Variants in SETX observed in about 807,000 individuals in gnomAD.
SETX encodes helicase senataxin.
SETX carries 90 observed loss-of-function variants against 227.2 expected under a neutral mutation model. That is an observed-to-expected ratio of 0.40 (90% CI 0.33 to 0.47). SETX has a LOEUF of 0.47. SETX is among the 20% of genes least tolerant of loss of function. The pLI is 0.91. For missense variants in SETX, 3,052 were observed against 3,181.5 expected, an observed-to-expected ratio of 0.96 and a Z score of 0.98; for synonymous variants, 1,210 against 1,113.2, an observed-to-expected ratio of 1.09 and a Z score of -1.73.
intron 5 of SETX, among the ~76,000 whole-genome samples, chr9:132,341,592 A>G (rs951499652): frequency 1.3e-5 from 2 of 152,240 alleles, no homozygotes; most frequent in Non-Finnish European, 2.9e-5. Context: ...TCAGTCACCA[A>G]GGCTGCAAGT....
In SETX at chr9:132,270,243, A is replaced by G. The variant is rs78127196; in HGVS notation, c.7200-541T>C. ...GACTCTACAATGACTCAGTATGCCC[A>G]TGTGAGACACAGGTGGACTCTAGAA... On this transcript the variant is annotated intron_variant, in intron 24 of 25. Transcript: ENST00000224140. Among the ~76,000 whole-genome samples, 183 of 141,166 alleles carry G rather than the reference A, an allele frequency of 1.3e-3. 1 individual carries two copies. The highest frequency in any genetic ancestry group is 2.1e-3 in the Non-Finnish European group (141 of 65,824). 92.6% of individuals were successfully genotyped at this position (141,166 alleles called of 152,430 possible). A position where few individuals can be genotyped will look rare whatever the true frequency, so the allele number is the denominator to read the frequency against.
chr9:132,291,673 T>C (rs979470279), intron 15 of SETX, among the ~76,000 whole-genome samples: 32 of 152,138 alleles, frequency 2.1e-4, no homozygotes, highest in African/African-American at 7.2e-4. Context: ...GCCCCTGAGC[T>C]GTTGTGGCAC....
rs142917412 is a variant in SETX, at chr9:132,295,980, G to C, written c.5998C>G (p.Gln2000Glu). The change falls in exon 15 of 26, where the codon CAA (glutamine) becomes GAA (glutamate). Residue 2000 changes from glutamine to glutamate, a missense_variant. Gln to Glu is a conservative substitution (Grantham distance 29, BLOSUM62 2). This residue lies in a region of SETX where 412 missense variants were observed against 589.0 expected (regional missense o/e 0.70). Transcript: ENST00000224140. ...SDENSNAKIK[Q>E]NRVLVCAPSN... The stretch of plus-strand genomic sequence containing the variant: ...GGTGCACACACGAGGACACGGTTTT[G>C]TTTGATTTTGGCATTGGAGTTTTCG... The C allele has an allele frequency of 4.4e-4, 703 of 1,614,170 alleles. No individual in the cohort carries two copies. Among genetic ancestry groups the C allele is most frequent in the Non-Finnish European group, 5.5e-4 (644 of 1,180,026 alleles).
intron 10 of SETX, among the ~76,000 whole-genome samples, chr9:132,313,677 C>T (rs527915886): frequency 3.8e-4 from 58 of 152,180 alleles, no homozygotes; most frequent in African/African-American, 1.3e-3. Context: ...TAGTTTCACA[C>T]TAAATGAAAT....
At chr9:132,269,903 C>T (rs113050051) in intron 24 of SETX, among the ~76,000 whole-genome samples, 4 of 133,880 alleles carry the variant, frequency 3.0e-5, no homozygotes, top group Non-Finnish European at 4.6e-5. Context: ...TCTAGAATGA[C>T]TCAGCATCCT....
chr9:132,307,654 A>G (rs922030912), intron 11 of SETX, among the ~76,000 whole-genome samples: 2 of 151,772 alleles, frequency 1.3e-5, no homozygotes, highest in Non-Finnish European at 2.9e-5. Context: ...TAAGCTTACC[A>G]GTCACCACTG....
At chr9:132,295,058 T>C (rs1367443910) in intron 15 of SETX, among the ~76,000 whole-genome samples, 1 of 152,164 alleles carries the variant, frequency 6.6e-6, no homozygotes, top group Non-Finnish European at 1.5e-5. Context: ...GGTCATCAAA[T>C]ACAAAGCCAT....
At chr9:132,336,556 T>C in intron 5 of SETX, 41 bp from the exon 6 acceptor site, 1 of 1,391,108 alleles carries the variant, frequency 7.2e-7, no homozygotes, top group Non-Finnish European at 1.0e-6. Context: ...CAATAAACAA[T>C]GGTCTACAAA....
intron 2 of SETX, among the ~76,000 whole-genome samples, chr9:132,352,520 G>A (rs1027084943): frequency 1.3e-5 from 2 of 152,158 alleles, no homozygotes; most frequent in Admixed American, 6.6e-5. Context: ...GGGAGGCCGA[G>A]GCGTGAGGGA....
Position 132,288,260 on chromosome 9 carries a change from T to C in SETX, c.6300A>G (p.Leu2100=), listed in dbSNP as rs1042207435. ...CCTGTATTTCCCGTCCACCTCGGCATAGAGCTCGCTGCCGGGAAAGCTCAT... is the reference window on the plus strand; with the variant it reads ...CCTGTATTTCCCGTCCACCTCGGCACAGAGCTCGCTGCCGGGAAAGCTCAT... ...QLDELSRQRA[L]CRGGREIQRQ... The change falls in exon 17 of 26, where the codon CTA becomes CTG. Residue 2100 remains leucine (L), a synonymous_variant. Transcript: ENST00000224140. The C allele has an allele frequency of 3.7e-6, 6 of 1,614,156 alleles. No individual in the cohort carries two copies. Among genetic ancestry groups the C allele is most frequent in the East Asian group, 2.2e-5 (1 of 44,890 alleles).
chr9:132,296,905 G>C lies in SETX; in HGVS notation c.5931C>G (p.Leu1977=), dbSNP rs758135178. The C allele has an allele frequency of 1.9e-6, 3 of 1,614,126 alleles. No homozygotes were observed. The highest frequency in any genetic ancestry group is 2.5e-6 in the Non-Finnish European group (3 of 1,180,016). ...TACCTACCTCTGTCAGTAGACGATA[G>C]AGGAGGCCAACAATAGTTTTTGATT... is the stretch of plus-strand genomic sequence containing the variant. The part of the protein sequence containing the change: ...TGKSKTIVGL[L]YRLLTENQRK... The change falls in exon 14 of 26, where the codon CTC becomes CTG. Residue 1977 remains leucine (L), a synonymous_variant. Transcript: ENST00000224140.
intron 7 of SETX, 87 bp from the exon 8 acceptor site, chr9:132,331,535 T>G: frequency 7.0e-7 from 1 of 1,419,404 alleles, no homozygotes; most frequent in Non-Finnish European, 9.7e-7. Context: ...ATTCTTTATC[T>G]GGTGAGTAGC....
intron 15 of SETX, among the ~76,000 whole-genome samples, chr9:132,289,799 C>G (rs917088732): frequency 6.6e-6 from 1 of 152,168 alleles, no homozygotes; most frequent in African/African-American, 2.4e-5. Context: ...ATTTAACCTG[C>G]CTGTTTACTA....
At chr9:132,352,759 T>A (rs1166078064) in intron 2 of SETX, among the ~76,000 whole-genome samples, 1 of 152,228 alleles carries the variant, frequency 6.6e-6, no homozygotes, top group Non-Finnish European at 1.5e-5. Context: ...CTCACATATC[T>A]GACAGGCACC....
chr9:132,354,077 G>C (rs1564171727), intron 1 of SETX, among the ~76,000 whole-genome samples: 1 of 152,206 alleles, frequency 6.6e-6, no homozygotes, highest in Non-Finnish European at 1.5e-5. Flanking sequence ...CCTTCTCCTT[G>C]TGGAGCTCTT....
At chr9:132,270,777 T>A (rs1842867211) in intron 24 of SETX, among the ~76,000 whole-genome samples, 1 of 152,136 alleles carries the variant, frequency 6.6e-6, no homozygotes, top group Admixed American at 6.5e-5. Context: ...TAGAAATACA[T>A]GAACACCAGA....
chr9:132,310,659 C>A (rs189421238), intron 11 of SETX, among the ~76,000 whole-genome samples: 124 of 152,314 alleles, frequency 8.1e-4, no homozygotes, highest in African/African-American at 2.9e-3. Context: ...CATCCGCTTT[C>A]TTTCTGCTTT....
chr9:132,341,581 C>G (rs1202655226), intron 5 of SETX, among the ~76,000 whole-genome samples: 1 of 152,236 alleles, frequency 6.6e-6, no homozygotes, highest in Non-Finnish European at 1.5e-5. Context: ...GCTAGGCAGA[C>G]TCAGTCACCA....
At chr9:132,289,490 C>T (rs1011836750) in intron 15 of SETX, among the ~76,000 whole-genome samples, 4 of 152,152 alleles carry the variant, frequency 2.6e-5, no homozygotes, top group East Asian at 3.8e-4. Flanking sequence ...CCTTTATGAA[C>T]TCTTAACCTG....
Sources: allele counts gnomAD v4.1 joint callset (sites outside exome capture counted in the v4.1 genomes callset), GRCh38; gene constraint gnomAD v4.1.1; regional missense constraint gnomAD v4.1.1; transcripts MANE v1.5; gene names NCBI Gene and HGNC (gene_info 2026-07-23, HGNC 2026-07-21).